NDE1: variants seen among roughly 807,000 people sequenced by gnomAD.
NDE1 encodes the protein nudE neurodevelopment protein 1, also known as nuclear distribution protein nudE homolog 1.
Under a neutral mutation model 43.4 loss-of-function variants are expected in NDE1, and 28 were observed. The ratio of observed to expected loss-of-function variants is 0.65; its 90% CI spans 0.48 to 0.89. The LOEUF is 0.89. Ranked by LOEUF, NDE1 falls within the 40% of genes least tolerant of loss-of-function variation. NDE1 has a pLI of 0.00. For missense variants in NDE1, 441 were observed against 434.1 expected (o/e 1.02, Z -0.14); for synonymous variants, 184 against 172.0 (o/e 1.07, Z -0.55).
intron 4 of NDE1, among the ~76,000 whole-genome samples, chr16:15,684,822 G>C (rs938588645): frequency 1.3e-5 from 2 of 152,078 alleles, no homozygotes; most frequent in African/African-American, 2.4e-5. Context: ...TTAAACTCTT[G>C]TCTATTTCTG....
chr16:15,720,726 CTG>C, intron 8 of NDE1: 2 of 1,196,744 alleles, frequency 1.7e-6, no homozygotes, highest in Non-Finnish European at 2.4e-6. Flanking sequence ...GAGCGAGACT[CTG>C]TTTCAAAAAA....
chr16:15,647,884 T>G (rs971821398), upstream of NDE1, among the ~76,000 whole-genome samples: 3 of 151,714 alleles, frequency 2.0e-5, no homozygotes, highest in Non-Finnish European at 2.9e-5. Flanking sequence ...AATGTAAAAA[T>G]TAGCTGGGCG....
intron 2 of NDE1, 147 bp from the exon 3 acceptor site, chr16:15,667,139 G>C: frequency 1.1e-6 from 1 of 910,058 alleles, no homozygotes; most frequent in Non-Finnish European, 1.8e-6. Context: ...CCAGCTACTC[G>C]GGAGACTGAG....
At chr16:15,713,824 T>G (rs541560673) in intron 8 of NDE1, 1 of 152,620 alleles carries the variant, frequency 6.6e-6, no homozygotes, top group South Asian at 2.1e-4. Context: ...ACCAAATGAT[T>G]GCAGCAATGC....
intron 4 of NDE1, among the ~76,000 whole-genome samples, chr16:15,680,486 C>T (rs1310874324): frequency 1.3e-5 from 2 of 152,148 alleles, no homozygotes; most frequent in East Asian, 3.8e-4. Context: ...GTTTCCTGGT[C>T]ATTACCAGAA....
chr16:15,689,258 C>T (rs771365289), intron 5 of NDE1, among the ~76,000 whole-genome samples: 2 of 152,074 alleles, frequency 1.3e-5, no homozygotes, highest in East Asian at 1.9e-4. Context: ...GAGAGACGGA[C>T]GCAAGAGGAT....
At chr16:15,710,308 G>A (rs892267341) in intron 8 of NDE1, among the ~76,000 whole-genome samples, 4 of 152,048 alleles carry the variant, frequency 2.6e-5, no homozygotes, top group Non-Finnish European at 4.4e-5. Flanking sequence ...GGATCACGAG[G>A]TCAGGAGATC....
chr16:15,651,305 C>T (rs1468321195), intron 1 of NDE1, among the ~76,000 whole-genome samples: 5 of 151,996 alleles, frequency 3.3e-5, no homozygotes, highest in Admixed American at 3.3e-4. Flanking sequence ...ATAGTGTATT[C>T]TAGCATAGGA....
At chr16:15,644,867 A>G (rs1160767821) in intron 1 of NDE1, among the ~76,000 whole-genome samples, 1 of 152,144 alleles carries the variant, frequency 6.6e-6, no homozygotes, top group African/African-American at 2.4e-5. Flanking sequence ...TTTTTTAAAA[A>G]ATAGTTTTTA....
chr16:15,707,684 A>G (rs1331662715), intron 8 of NDE1, among the ~76,000 whole-genome samples: 1 of 152,208 alleles, frequency 6.6e-6, no homozygotes, highest in African/African-American at 2.4e-5. Context: ...CACATGGCCT[A>G]ACTTCACCTG....
intron 3 of NDE1, among the ~76,000 whole-genome samples, chr16:15,669,350 C>T (rs1213137965): frequency 4.6e-5 from 7 of 150,906 alleles, no homozygotes; most frequent in Admixed American, 4.0e-4. Flanking sequence ...CCCTCCACCA[C>T]GCCTGGCTAA....
chr16:15,679,345 G>C (rs952760628), intron 4 of NDE1, among the ~76,000 whole-genome samples: 1 of 151,968 alleles, frequency 6.6e-6, no homozygotes, highest in African/African-American at 2.4e-5. Flanking sequence ...TGTCCGTCTC[G>C]GACGCCATCT....
intron 3 of NDE1, among the ~76,000 whole-genome samples, chr16:15,671,155 C>G (rs1451918849): frequency 6.6e-6 from 1 of 152,110 alleles, no homozygotes; most frequent in Non-Finnish European, 1.5e-5. Flanking sequence ...TACTTACTTG[C>G]CTTTTATTAT....
intron 8 of NDE1, chr16:15,708,780 C>G (rs938476003): frequency 6.2e-7 from 1 of 1,600,580 alleles, no homozygotes; most frequent in Non-Finnish European, 8.5e-7. Context: ...CAACACACAG[C>G]TGCGAAGCTG....
At chr16:15,701,244 A>G (rs1440887075) in intron 8 of NDE1, 1 of 152,286 alleles carries the variant, frequency 6.6e-6, no homozygotes, top group Non-Finnish European at 1.5e-5. Context: ...CTCCAAAAAA[A>G]AAAAAAAAGG....
chr16:15,671,648 A>T (rs925406345), intron 3 of NDE1, among the ~76,000 whole-genome samples: 4 of 152,114 alleles, frequency 2.6e-5, no homozygotes, highest in African/African-American at 4.8e-5. Flanking sequence ...ACAGCTGAAC[A>T]CCTGCTACAC....
intron 7 of NDE1, chr16:15,694,810 T>C (rs1249360763): frequency 1.0e-6 from 1 of 985,408 alleles, no homozygotes. Flanking sequence ...GTTTTTCCTC[T>C]AGGAAATTTG....
intron 8 of NDE1, among the ~76,000 whole-genome samples, chr16:15,711,976 G>A (rs952031279): frequency 2.6e-5 from 4 of 152,208 alleles, no homozygotes; most frequent in African/African-American, 9.7e-5. Context: ...TAAGGGGTGA[G>A]CCACTGCACC....
chr16:15,696,726 C>G lies in NDE1; in HGVS notation c.813C>G (p.Leu271=). The G allele has an allele frequency of 6.2e-7, 1 of 1,614,204 alleles. No individual in the cohort carries two copies. Among genetic ancestry groups the G allele is most frequent in the Non-Finnish European group, 8.5e-7 (1 of 1,180,044 alleles). ...CTGTCCAGGCACTGGAGTCCAAACT[C>G]GCTTCCTGCCGGAACCTCGTGTACG... ...LRKVGALESK[L]ASCRNLVYDQ... is the part of the protein sequence containing the mutation. The change falls in exon 8 of 9, where the codon CTC becomes CTG. Residue 271 remains leucine, a synonymous_variant. Coordinates refer to ENST00000396354, the MANE Select transcript of NDE1 (RefSeq NM_017668.3).
Sources: allele counts gnomAD v4.1 joint callset (sites outside exome capture counted in the v4.1 genomes callset), GRCh38; gene constraint gnomAD v4.1.1; transcripts MANE v1.5; gene names NCBI Gene and HGNC (gene_info 2026-07-23, HGNC 2026-07-21).